The following CDK10 variants were observed in gnomAD, a reference collection of about 807,000 sequenced individuals.
The protein encoded by CDK10 is cyclin dependent kinase 10, also known as cyclin-dependent kinase 10.
Under a neutral mutation model 51.0 loss-of-function variants are expected in CDK10, and 55 were observed. That is an observed-to-expected ratio of 1.08 (90% CI 0.87 to 1.35). The LOEUF (loss-of-function observed/expected upper bound fraction) is 1.35. Among genes scored for constraint, CDK10 ranks in the 40% most tolerant of loss-of-function variants. The pLI is 0.00. For synonymous variants in CDK10, 255 were observed against 199.1 expected, an observed-to-expected ratio of 1.28 and a Z score of -2.36; for missense variants, 589 against 485.1, an observed-to-expected ratio of 1.21 and a Z score of -2.01.
intron 4 of CDK10, 80 bp downstream of exon 4, chr16:89,691,625 G>A: frequency 7.7e-7 from 1 of 1,303,520 alleles, no homozygotes; most frequent in Non-Finnish European, 1.1e-6. Flanking sequence ...AGCGAGGACT[G>A]AGTGTCACTG....
rs376166473 is a variant in CDK10, at chr16:89,695,616, C to T, written c.1007C>T (p.Pro336Leu). ...KPLPCEPELM[P>L]TFPHHRNKRA... ...GCAGCCTGTGAGCCGGAGCTCATGC[C>T]GACCTTTCCCCACCACCGCAACAAG... Residue 336 changes from proline (P) to leucine (L), a missense_variant, in exon 13 of 13, where the codon CCG becomes CTG. Physicochemically the swap from Pro to Leu is moderately conservative, Grantham distance 98 (BLOSUM62 -3). Coordinates refer to ENST00000353379, the MANE Select transcript of CDK10 (RefSeq NM_052988.5). 12 of 1,605,408 alleles carry T rather than the reference C, an allele frequency of 7.5e-6. No homozygotes were observed. The highest frequency in any genetic ancestry group is 1.7e-5 in the Admixed American group (1 of 59,460).
rs2060545836 is a variant in CDK10, at chr16:89,693,395, C to T, written c.539-3C>T. On this transcript the variant is annotated splice_region_variant and splice_polypyrimidine_tract_variant and intron_variant, in intron 7 of 12. Coordinates refer to ENST00000353379, the MANE Select transcript of CDK10 (RefSeq NM_052988.5). ...GTGACACACACTCCCCTCTCTGCTG[C>T]AGCGGATTTCGGCCTGGCCCGGGCC... The T allele has an allele frequency of 6.2e-7, 1 of 1,614,190 alleles. No individual in the cohort carries two copies. The highest frequency in any genetic ancestry group is 2.2e-5 in the East Asian group (1 of 44,878).
chr16:89,695,183 G>A lies in CDK10; in HGVS notation c.933-110G>A, dbSNP rs2235129. 11,058 of 1,538,028 alleles carry A rather than the reference G, an allele frequency of 7.2e-3. 849 individuals are homozygous for A. The East Asian group carries it at 0.16, about 22-fold the overall frequency. ...GGCCCCTCCCCAGGCACAGCCGCTC[G>A]GAGTGGCCACCTGGCTTCCTTTGAG... On this transcript the variant is annotated intron_variant, in intron 11 of 12. Transcript: ENST00000353379.
At chr16:89,694,071 G>C (rs530135391) in intron 8 of CDK10, 102 bp from the exon 9 acceptor site, 8 of 1,214,188 alleles carry the variant, frequency 6.6e-6, no homozygotes, top group Non-Finnish European at 9.7e-6. Flanking sequence ...AGTTGGGACA[G>C]GTTTCCAGGC....
At chr16:89,693,969 A>G in intron 8 of CDK10, 1 of 617,412 alleles carries the variant, frequency 1.6e-6, no homozygotes, top group East Asian at 2.7e-5. Context: ...TGCGACTCTC[A>G]GGACACCGCT....
Position 89,693,385 on chromosome 16 carries a change from C to G in CDK10, c.539-13C>G, listed in dbSNP as rs2060544794. The G allele has an allele frequency of 2.5e-6, 4 of 1,613,998 alleles. No individual in the cohort carries two copies. The African/African-American group carries it at 5.3e-5, about 22-fold the overall frequency. On this transcript the variant is annotated splice_polypyrimidine_tract_variant and intron_variant, in intron 7 of 12. Coordinates refer to ENST00000353379, the MANE Select transcript of CDK10 (RefSeq NM_052988.5). ...ATGGCACTTGGTGACACACACTCCC[C>G]TCTCTGCTGCAGCGGATTTCGGCCT...
At chr16:89,692,847 A>C (rs999727154) in intron 6 of CDK10, among the ~76,000 whole-genome samples, 1 of 151,404 alleles carries the variant, frequency 6.6e-6, no homozygotes, top group Non-Finnish European at 1.5e-5. Context: ...AAAAATAATA[A>C]AGATACTACG....
intron 11 of CDK10, 33 bp from the exon 12 acceptor site, chr16:89,695,260 A>T (rs770448947): frequency 6.3e-7 from 1 of 1,593,342 alleles, no homozygotes; most frequent in Non-Finnish European, 8.6e-7. Context: ...AGCCGCACTC[A>T]CAAGTCGCAC....
chr16:89,693,509 T>C (rs1430727013), intron 8 of CDK10, 42 bp downstream of exon 8: 1 of 1,589,610 alleles, frequency 6.3e-7, no homozygotes, highest in Admixed American at 1.7e-5. Flanking sequence ...GGACCAGGCC[T>C]GTCTGGTGGA....
intron 1 of CDK10, chr16:89,687,794 G>A (rs1392502247): frequency 5.6e-6 from 2 of 354,770 alleles, no homozygotes; most frequent in Non-Finnish European, 1.1e-5. Context: ...TAAGCGTGTC[G>A]AGAAGAGCAC....
chr16:89,696,079 AGACCTTCGTATCCCCTCTCAGTC>A lies in CDK10; in HGVS notation c.*389_*411del, dbSNP rs1212134305. ...CTGGCCTGGGATGAGAGGGCCCAGAAGACCTTCGTATCCCCTCTCAGTCGCCCGGGGCTGTCCCGTGCATGGGT... is the reference window on the plus strand; with the variant it reads ...CTGGCCTGGGATGAGAGGGCCCAGAAGCCCGGGGCTGTCCCGTGCATGGGT... On this transcript the variant is annotated 3_prime_UTR_variant, in exon 13 of 13. Transcript: ENST00000353379. 3 of 537,810 alleles carry A rather than the reference AGACCTTCGTATCCCCTCTCAGTC, an allele frequency of 5.6e-6. No homozygotes were observed. Among genetic ancestry groups the A allele is most frequent in the Non-Finnish European group, 1.0e-5 (3 of 296,434 alleles). The allele number at this position is 537,810 out of a possible 1,614,324, so 33.3% of individuals were successfully genotyped here.
chr16:89,690,455 C>T (rs1226294305), intron 2 of CDK10, 98 bp from the exon 3 acceptor site: 13 of 1,010,282 alleles, frequency 1.3e-5, no homozygotes, highest in South Asian at 9.0e-5. Flanking sequence ...GAGGAAAGAA[C>T]GGGGACCCCT....
At chr16:89,688,779 C>T (rs569357219) in intron 1 of CDK10, among the ~76,000 whole-genome samples, 28 of 152,280 alleles carry the variant, frequency 1.8e-4, no homozygotes, top group Admixed American at 1.4e-3. Flanking sequence ...AGCATTGGCC[C>T]AGTATCGTCA....
At chr16:89,692,056 A>T in intron 5 of CDK10, 169 bp downstream of exon 5, 1 of 637,182 alleles carries the variant, frequency 1.6e-6, no homozygotes. Flanking sequence ...TGGTGGGGGC[A>T]TCTGCTGGGA....
intron 5 of CDK10, 84 bp from the exon 6 acceptor site, chr16:89,692,365 C>G (rs1374825767): frequency 5.7e-6 from 6 of 1,059,552 alleles, no homozygotes; most frequent in Non-Finnish European, 6.8e-6. Context: ...ACTGCTAGTC[C>G]TGCTGGCCAG....
At position 89,695,589 on chromosome 16, in the gene CDK10, C is replaced by A; in HGVS notation, c.986-6C>A. On this transcript the variant is annotated splice_region_variant and splice_polypyrimidine_tract_variant and intron_variant, in intron 12 of 12. Coordinates refer to ENST00000353379, the MANE Select transcript of CDK10 (RefSeq NM_052988.5). ...CCCGCCCAGCACTGAACCCTTCTCCCTGCAGCCTGTGAGCCGGAGCTCATG... is the reference window on the plus strand; with the variant it reads ...CCCGCCCAGCACTGAACCCTTCTCCATGCAGCCTGTGAGCCGGAGCTCATG... 1 of 1,600,626 alleles carries A rather than the reference C, an allele frequency of 6.2e-7. No homozygotes were observed. Among genetic ancestry groups the A allele is most frequent in the African/African-American group, 1.3e-5 (1 of 74,610 alleles).
In CDK10 at chr16:89,695,646, C is replaced by T. The variant is rs754196704; in HGVS notation, c.1037C>T (p.Ala346Val). The T allele has an allele frequency of 3.1e-6, 5 of 1,604,540 alleles. No individual in the cohort carries two copies. In the Middle Eastern group the frequency reaches 5.0e-4, roughly 160 times the overall value. Residue 346 changes from alanine to valine, a missense_variant, in exon 13 of 13, where the codon GCC becomes GTC. Transcript: ENST00000353379. ...PTFPHHRNKR[A>V]APATSEGQSK... ...TTTCCCCACCACCGCAACAAGCGGG[C>T]CGCCCCAGCCACCTCCGAGGGCCAG...
At chr16:89,691,719 C>T in intron 4 of CDK10, 87 bp from the exon 5 acceptor site, 2 of 1,381,196 alleles carry the variant, frequency 1.4e-6, no homozygotes, top group South Asian at 2.3e-5. Flanking sequence ...GTTGTCCTGC[C>T]CATGTCCCCT....
At chr16:89,693,518 G>T (rs2060553573) in intron 8 of CDK10, 51 bp downstream of exon 8, 1 of 1,572,874 alleles carries the variant, frequency 6.4e-7, no homozygotes, top group South Asian at 1.1e-5. Context: ...CTGTCTGGTG[G>T]AGGTCTCCTT....
Sources: gnomAD v4.1 joint callset for allele counts (sites outside exome capture counted in the v4.1 genomes callset) on GRCh38, gnomAD v4.1.1 for gene constraint, MANE v1.5 for transcripts, NCBI Gene and HGNC (gene_info 2026-07-23, HGNC 2026-07-21) for gene names.